Variants in DMAC1 observed in about 807,000 individuals in gnomAD.
The protein encoded by DMAC1 is distal membrane arm assembly component 1.
A neutral mutation model predicts 7.0 loss-of-function variants in DMAC1; 10 were observed. That is an observed-to-expected ratio of 1.43 (90% CI 0.88 to 2.43). The LOEUF (loss-of-function observed/expected upper bound fraction) is 2.43. DMAC1 is among the 30% of genes most tolerant of loss of function. DMAC1 has a pLI of 0.00. For missense variants in DMAC1, 219 were observed against 158.7 expected (o/e 1.38, Z -2.04); for synonymous variants, 92 against 66.2 (o/e 1.39, Z -1.90).
At position 7,798,341 on chromosome 9, in the gene DMAC1, C is replaced by G; in HGVS notation, c.*232G>C. ...TCCTTCCCCAGATAAGACAAAGAAC[C>G]TGTTTACTTCTCTGAGGGATTTATT... On this transcript the variant is annotated 3_prime_UTR_variant, in exon 2 of 2. Transcript: ENST00000358227. 1 of 476,648 alleles carries G rather than the reference C, an allele frequency of 2.1e-6. No homozygotes were observed. The highest frequency in any genetic ancestry group is 3.8e-6 in the Non-Finnish European group (1 of 265,192). The allele number at this position is 476,648 out of a possible 1,614,324, so 29.5% of individuals were successfully genotyped here. A position where few individuals can be genotyped will look rare whatever the true frequency, so the allele number is the denominator to read the frequency against.
chr9:7,799,427 C>G (rs1329675144), intron 1 of DMAC1, 34 bp downstream of exon 1: 3 of 1,609,340 alleles, frequency 1.9e-6, no homozygotes, highest in African/African-American at 2.7e-5. Flanking sequence ...CCGCAGATAC[C>G]CAACCCGCCC....
intron 1 of DMAC1, 56 bp downstream of exon 1, chr9:7,799,405 C>T (rs761601144): frequency 1.3e-6 from 2 of 1,590,112 alleles, no homozygotes; most frequent in Non-Finnish European, 1.7e-6. Flanking sequence ...TGCTCCGTTT[C>T]CTTCCTCTAC....
intron 1 of DMAC1, 153 bp downstream of exon 1, chr9:7,799,308 A>G (rs1438537071): frequency 3.2e-5 from 32 of 1,015,724 alleles, no homozygotes; most frequent in Non-Finnish European, 4.3e-5. Flanking sequence ...AGGCGTTCCA[A>G]CAACTTCCTC....
rs763344854 is a variant in DMAC1, at chr9:7,796,911, T to C, written c.*1662A>G. On this transcript the variant is annotated 3_prime_UTR_variant, in exon 2 of 2. Coordinates refer to ENST00000358227, the MANE Select transcript of DMAC1 (RefSeq NM_033428.3). Reference sequence around the variant, plus strand: ...AGTCAATTGTAAACTAACTACTAATTAAGTTTTTGAGGAGTCAGGTTATAT... The same window carrying C: ...AGTCAATTGTAAACTAACTACTAATCAAGTTTTTGAGGAGTCAGGTTATAT... 1.3e-5 allele frequency: 2 copies of C among 148,308 alleles called. No homozygotes were observed. Among genetic ancestry groups the C allele is most frequent in the Non-Finnish European group, 3.0e-5 (2 of 66,310 alleles). 9.2% of individuals were successfully genotyped at this position (148,308 alleles called of 1,614,324 possible). A position where few individuals can be genotyped will look rare whatever the true frequency, so the allele number is the denominator to read the frequency against.
Position 7,798,596 on chromosome 9 carries a change from C to T in DMAC1, c.316G>A (p.Gly106Arg), listed in dbSNP as rs376913454. ...TTTCAAACAACGCGGTAGGCCTTCC[C>T]TTTGGGGTCTGCCATGACAACGATA... ...WGIVVMADPK[G>R]KAYRVV is the part of the protein sequence containing the mutation. Residue 106 changes from glycine (G) to arginine (R), a missense_variant, in exon 2 of 2, where the codon GGG (glycine) becomes AGG (arginine). By Grantham distance (125) the Gly-to-Arg change is moderately radical. Coordinates refer to ENST00000358227, the MANE Select transcript of DMAC1 (RefSeq NM_033428.3). 6.2e-7 allele frequency: 1 copy of T among 1,609,010 alleles called. No individual in the cohort carries two copies. Among genetic ancestry groups the T allele is most frequent in the African/African-American group, 1.3e-5 (1 of 74,854 alleles).
rs1373139739 is a variant in DMAC1 at position 7,797,968 on chromosome 9, A to G, written c.*605T>C. On this transcript the variant is annotated 3_prime_UTR_variant, in exon 2 of 2. Transcript: ENST00000358227. ...ACCTCAGACTAGCTGTGAAGCTCTC[A>G]TAAGGTGATGGATTTGAAAATGCCT... 4 of 152,294 alleles carry G rather than the reference A, an allele frequency of 2.6e-5. No individual in the cohort carries two copies. The highest frequency in any genetic ancestry group is 9.6e-5 in the African/African-American group (4 of 41,460). The allele number at this position is 152,294 out of a possible 1,614,324, so 9.4% of individuals were successfully genotyped here.
rs1212053254 is a variant in DMAC1, at chr9:7,798,170, TAA to T, written c.*401_*402del. The T allele has an allele frequency of 6.5e-6, 1 of 154,148 alleles. No homozygotes were observed. The highest frequency in any genetic ancestry group is 1.9e-4 in the East Asian group (1 of 5,276). 9.5% of individuals were successfully genotyped at this position (154,148 alleles called of 1,614,324 possible). A position where few individuals can be genotyped will look rare whatever the true frequency, so the allele number is the denominator to read the frequency against. On this transcript the variant is annotated 3_prime_UTR_variant, in exon 2 of 2. Transcript: ENST00000358227. ...CCGTTGGTTTACCATATGCTGTATT[TAA>T]AAGTTTTAAAAATTATACTAACTAT...
At chr9:7,798,981 T>A (rs1468445204) in intron 1 of DMAC1, among the ~76,000 whole-genome samples, 1 of 152,154 alleles carries the variant, frequency 6.6e-6, no homozygotes, top group Admixed American at 6.5e-5. Flanking sequence ...TACCCAGGTG[T>A]ACCAAGTAGG....
In DMAC1 at chr9:7,797,221, T is replaced by C. The variant is rs1031537084; in HGVS notation, c.*1352A>G. On this transcript the variant is annotated 3_prime_UTR_variant, in exon 2 of 2. Transcript: ENST00000358227. ...GGGTCATCCATGGTCCCTTCCAACT[T>C]AAAACTTCTCTATTCATGAACATAG... 3 of 152,214 alleles carry C rather than the reference T, an allele frequency of 2.0e-5. No individual in the cohort carries two copies. The highest frequency in any genetic ancestry group is 7.2e-5 in the African/African-American group (3 of 41,450). The allele number at this position is 152,214 out of a possible 1,614,324, so 9.4% of individuals were successfully genotyped here. A position where few individuals can be genotyped will look rare whatever the true frequency, so the allele number is the denominator to read the frequency against.
chr9:7,796,761 A>G lies in DMAC1; in HGVS notation c.*1812T>C, dbSNP rs1012439876. On this transcript the variant is annotated 3_prime_UTR_variant, in exon 2 of 2. Transcript: ENST00000358227. ...TTCACTTCTACCTAACGAATAGTGA[A>G]TATATTACTTCCTTAATAACATTTT... The G allele has an allele frequency of 7.1e-6, 1 of 140,798 alleles. No individual in the cohort carries two copies. The highest frequency in any genetic ancestry group is 2.6e-5 in the African/African-American group (1 of 38,134). The allele number at this position is 140,798 out of a possible 1,614,324, so 8.7% of individuals were successfully genotyped here.
chr9:7,797,589 A>G lies in DMAC1; in HGVS notation c.*984T>C, dbSNP rs960811967. On this transcript the variant is annotated 3_prime_UTR_variant, in exon 2 of 2. Transcript: ENST00000358227. Reference sequence around the variant, plus strand: ...TAGTATCTCAGGGTAGAAAAACCCAATAGGTAGAAAACATGGCCTTCTCTT... The same window carrying G: ...TAGTATCTCAGGGTAGAAAAACCCAGTAGGTAGAAAACATGGCCTTCTCTT... The G allele has an allele frequency of 1.7e-4, 26 of 152,358 alleles. 1 individual carries two copies. Among genetic ancestry groups the G allele is most frequent in the South Asian group, 1.0e-3 (5 of 4,828 alleles). 9.4% of individuals were successfully genotyped at this position (152,358 alleles called of 1,614,324 possible). A position where few individuals can be genotyped will look rare whatever the true frequency, so the allele number is the denominator to read the frequency against.
rs769487435 is a variant in DMAC1, at chr9:7,799,698, T to C, written c.37A>G (p.Ile13Val). Residue 13 changes from isoleucine to valine, a missense_variant, in exon 1 of 2, where the codon ATC (isoleucine) becomes GTC (valine). By Grantham distance (29) the Ile-to-Val change is conservative. Transcript: ENST00000358227. The stretch of plus-strand genomic sequence containing the variant: ...GCGGCGGTACCGGGAGGCGCAGTGA[T>C]ATAGGACTCAAAAGGCTGGGACAAC... ...SRLSQPFESY[I>V]TAPPGTAAAP... The C allele has an allele frequency of 4.4e-6, 7 of 1,582,530 alleles. No homozygotes were observed. The highest frequency in any genetic ancestry group is 1.9e-4 in the Middle Eastern group (1 of 5,378).
chr9:7,798,783 G>GA, intron 1 of DMAC1, 146 bp from the exon 2 acceptor site: 1 of 585,802 alleles, frequency 1.7e-6, no homozygotes, highest in Non-Finnish European at 2.7e-6. Flanking sequence ...GTGAAGCACA[G>GA]AAAAAGAAAA....
chr9:7,799,560 T>A lies in DMAC1; in HGVS notation c.175A>T (p.Met59Leu). Residue 59 changes from methionine to leucine, a missense_variant, in exon 1 of 2, where the codon ATG becomes TTG. Met to Leu is a conservative substitution (Grantham distance 15). Coordinates refer to ENST00000358227, the MANE Select transcript of DMAC1 (RefSeq NM_033428.3). ...SCRVLSGLGL[M>L]GAGGYVYWVA... ...CAGTACACGTACCCGCCCGCCCCCA[T>A]CAGCCCCAACCCAGAAAGCACGCGA... is the stretch of plus-strand genomic sequence containing the variant. The A allele has an allele frequency of 6.2e-7, 1 of 1,611,652 alleles. No individual in the cohort carries two copies. Among genetic ancestry groups the A allele is most frequent in the Non-Finnish European group, 8.5e-7 (1 of 1,179,296 alleles).
rs1262670141 is a variant in DMAC1, at chr9:7,796,890, A to G, written c.*1683T>C. The G allele has an allele frequency of 1.4e-5, 2 of 146,706 alleles. No homozygotes were observed. The highest frequency in any genetic ancestry group is 3.1e-5 in the Non-Finnish European group (2 of 65,548). The allele number at this position is 146,706 out of a possible 1,614,324, so 9.1% of individuals were successfully genotyped here. On this transcript the variant is annotated 3_prime_UTR_variant, in exon 2 of 2. Transcript: ENST00000358227. ...TATGTTATCAATAAGGCTTCCAGTC[A>G]ATTGTAAACTAACTACTAATTAAGT...
rs879585845 is a variant in DMAC1 at position 7,797,982 on chromosome 9, T to G, written c.*591A>C. The G allele has an allele frequency of 6.6e-6, 1 of 152,274 alleles. No homozygotes were observed. Among genetic ancestry groups the G allele is most frequent in the Non-Finnish European group, 1.5e-5 (1 of 68,106 alleles). 9.4% of individuals were successfully genotyped at this position (152,274 alleles called of 1,614,324 possible). On this transcript the variant is annotated 3_prime_UTR_variant, in exon 2 of 2. Transcript: ENST00000358227. ...GTGAAGCTCTCATAAGGTGATGGAT[T>G]TGAAAATGCCTTGCAAAGTATCAGC...
rs1225143900 is a variant in DMAC1, at chr9:7,799,664, G to C, written c.71C>G (p.Ala24Gly). ...GGGTGTAGCTGGGGGCGCAGGTTTG[G>C]CGGGCGCGGCGGCGGTACCGGGAGG... Reference protein sequence around the residue: ...TAPPGTAAAPAKPAPPATPGA... With the variant: ...TAPPGTAAAPGKPAPPATPGA... Residue 24 changes from alanine (A) to glycine (G), a missense_variant, in exon 1 of 2, where the codon GCC becomes GGC. Physicochemically the swap from Ala to Gly is moderately conservative, Grantham distance 60 (BLOSUM62 0). Transcript: ENST00000358227. 1.2e-6 allele frequency: 2 copies of C among 1,608,186 alleles called. No individual in the cohort carries two copies. The highest frequency in any genetic ancestry group is 1.7e-6 in the Non-Finnish European group (2 of 1,178,336).
chr9:7,798,650 C>T lies in DMAC1; in HGVS notation c.275-13G>A. ...CAGGTGGCAATGCCTAGAAAAAAAA[C>T]AACAATACCTTACCTTTATGCTGCA... On this transcript the variant is annotated splice_polypyrimidine_tract_variant and intron_variant, in intron 1 of 1. Transcript: ENST00000358227. The T allele has an allele frequency of 6.5e-7, 1 of 1,547,334 alleles. No homozygotes were observed.
Position 7,798,761 on chromosome 9 carries a change from C to T in DMAC1, c.275-124G>A, listed in dbSNP as rs189800584. 4.4e-4 allele frequency: 326 copies of T among 748,474 alleles called. No homozygotes were observed. The African/African-American group carries it at 5.5e-3, about 13-fold the overall frequency. 46.4% of individuals were successfully genotyped at this position (748,474 alleles called of 1,614,324 possible). On this transcript the variant is annotated intron_variant, in intron 1 of 1. Transcript: ENST00000358227. ...GAGGATATATTACCATTGTATCTTT[C>T]TTATAAGGCAAGTGAAGCACAGAAA...
Sources: gnomAD v4.1 joint callset for allele counts (sites outside exome capture counted in the v4.1 genomes callset) on GRCh38, gnomAD v4.1.1 for gene constraint, MANE v1.5 for transcripts, NCBI Gene and HGNC (gene_info 2026-07-23, HGNC 2026-07-21) for gene names.